The following DIS3L2 variants were observed in gnomAD, a reference collection of about 807,000 sequenced individuals.
DIS3L2 encodes the protein DIS3-like exonuclease 2.
In DIS3L2, 34 loss-of-function variants were observed where a neutral mutation model predicts 97.5. The ratio of observed to expected loss-of-function variants is 0.35; its 90% CI spans 0.27 to 0.46. DIS3L2 has a LOEUF of 0.46. Ranked by LOEUF, DIS3L2 falls within the 20% of genes least tolerant of loss-of-function variation. The pLI is 1.00. For synonymous variants in DIS3L2, 435 were observed against 445.2 expected (o/e 0.98, Z 0.29); for missense variants, 1,038 against 1,146.0 (o/e 0.91, Z 1.36).
intron 10 of DIS3L2, among the ~76,000 whole-genome samples, chr2:232,220,662 G>A (rs561081946): frequency 6.6e-6 from 1 of 152,210 alleles, no homozygotes; most frequent in East Asian, 1.9e-4. Flanking sequence ...AGCCAAGATC[G>A]CACCACTGCA....
At position 232,281,399 on chromosome 2, in the gene DIS3L2, A is replaced by G. The variant is rs1206829137; in HGVS notation, c.1659+17959A>G. On this transcript the variant is annotated intron_variant, in intron 13 of 20. Transcript: ENST00000325385. The surrounding 1 kb of genome is among the most constrained non-coding windows in gnomAD (Gnocchi z 4.1). ...GGGTGACAGAGCAAGACTCTGTCTC[A>G]AAAAGAAAAAAAGAAATATGAATGT... 6.6e-6 allele frequency among the ~76,000 whole-genome samples: 1 copy of G among 152,092 alleles called. No individual in the cohort carries two copies. The highest frequency in any genetic ancestry group is 1.9e-4 in the East Asian group (1 of 5,192).
Position 232,066,615 on chromosome 2 carries a change from A to G in DIS3L2, c.367-20872A>G, listed in dbSNP as rs180911909. On this transcript the variant is annotated intron_variant, in intron 5 of 20. Coordinates refer to ENST00000325385, the MANE Select transcript of DIS3L2 (RefSeq NM_152383.5). ...GTTGGGAAATGTTTCCTCTTCCCCT[A>G]TATTTTGAGAGAGTATGATAGGGTT... 9.7e-4 allele frequency among the ~76,000 whole-genome samples: 147 copies of G among 152,078 alleles called. 1 individual carries two copies. Among genetic ancestry groups the G allele is most frequent in the Non-Finnish European group, 1.6e-3 (108 of 67,864 alleles).
At chr2:232,184,677 A>G (rs114190691) in intron 9 of DIS3L2, among the ~76,000 whole-genome samples, 1,623 of 152,264 alleles carry the variant, frequency 0.011, 18 homozygotes, top group Non-Finnish European at 0.014. Flanking sequence ...GAAAAGAAGC[A>G]TATAGTAGTC....
intron 10 of DIS3L2, among the ~76,000 whole-genome samples, chr2:232,219,657 A>G (rs531593485): frequency 6.6e-6 from 1 of 152,096 alleles, no homozygotes; most frequent in African/African-American, 2.4e-5. Context: ...CAGCTCTGTG[A>G]ATTGGCCCAC....
At chr2:232,311,938 T>C (rs1053914658) in intron 14 of DIS3L2, among the ~76,000 whole-genome samples, 28 of 152,206 alleles carry the variant, frequency 1.8e-4, no homozygotes, top group African/African-American at 6.5e-4. Flanking sequence ...GGAATGAAAT[T>C]GCTGAAATCA....
intron 6 of DIS3L2, among the ~76,000 whole-genome samples, chr2:232,092,236 T>C (rs1351403743): frequency 6.6e-6 from 1 of 152,200 alleles, no homozygotes. Context: ...GATGTATGTA[T>C]TCTGGGTTCT....
At chr2:232,099,890 C>G (rs957196070) in intron 6 of DIS3L2, among the ~76,000 whole-genome samples, 3 of 152,110 alleles carry the variant, frequency 2.0e-5, no homozygotes, top group African/African-American at 7.2e-5. Context: ...TTTCAAAAAT[C>G]TCCTTTGTGT....
intron 5 of DIS3L2, among the ~76,000 whole-genome samples, chr2:232,078,800 A>C (rs1328431275): frequency 6.6e-6 from 1 of 152,264 alleles, no homozygotes; most frequent in Non-Finnish European, 1.5e-5. Context: ...GAAATTGAGA[A>C]GTGCTGAAGA....
chr2:232,204,698 G>T (rs1021076218), intron 9 of DIS3L2, among the ~76,000 whole-genome samples: 1 of 152,160 alleles, frequency 6.6e-6, no homozygotes, highest in African/African-American at 2.4e-5. Context: ...TGAGACCAAA[G>T]CCTTCCAGAA....
intron 13 of DIS3L2, among the ~76,000 whole-genome samples, chr2:232,275,590 C>T (rs1694120757): frequency 6.6e-6 from 1 of 152,202 alleles, no homozygotes. Context: ...CTTTATAATA[C>T]TTCTTGATTC....
chr2:232,279,181 C>T (rs774698146), intron 13 of DIS3L2, among the ~76,000 whole-genome samples: 1 of 152,158 alleles, frequency 6.6e-6, no homozygotes, highest in South Asian at 2.1e-4. Context: ...AGGTGATCTA[C>T]CCACCTCGGC....
intron 13 of DIS3L2, among the ~76,000 whole-genome samples, chr2:232,298,857 C>T (rs1405136774): frequency 6.6e-6 from 1 of 152,222 alleles, no homozygotes; most frequent in African/African-American, 2.4e-5. Context: ...CCTCCTTGAG[C>T]TCTGTTGGAA....
intron 9 of DIS3L2, among the ~76,000 whole-genome samples, chr2:232,205,719 GC>G (rs1692011200): frequency 3.9e-5 from 6 of 152,202 alleles, no homozygotes; most frequent in African/African-American, 1.4e-4. Flanking sequence ...TCTCCTAGAG[GC>G]AAGTTAGGAA....
At chr2:232,118,629 G>C (rs1184210272) in intron 6 of DIS3L2, among the ~76,000 whole-genome samples, 1 of 152,168 alleles carries the variant, frequency 6.6e-6, no homozygotes, top group Non-Finnish European at 1.5e-5. Flanking sequence ...GAAGGACCAA[G>C]CCAGTTGCTC....
intron 3 of DIS3L2, among the ~76,000 whole-genome samples, chr2:232,023,379 T>C (rs907745035): frequency 4.6e-5 from 7 of 152,232 alleles, no homozygotes; most frequent in Admixed American, 3.9e-4. Flanking sequence ...CTTTATTTTA[T>C]GCCGTTGCCT....
At chr2:232,055,869 A>G (rs564135344) in intron 5 of DIS3L2, among the ~76,000 whole-genome samples, 9 of 152,342 alleles carry the variant, frequency 5.9e-5, no homozygotes, top group Admixed American at 4.6e-4. Context: ...AGTGGAGGAA[A>G]GAATGCTCTT....
At chr2:232,211,671 T>C (rs1320852191) in intron 10 of DIS3L2, among the ~76,000 whole-genome samples, 1 of 152,160 alleles carries the variant, frequency 6.6e-6, no homozygotes, top group East Asian at 1.9e-4. Context: ...TTTTAAAACA[T>C]TGCAAAGATG....
intron 12 of DIS3L2, among the ~76,000 whole-genome samples, chr2:232,258,598 C>CAAAAA (rs35525137): frequency 4.0e-4 from 30 of 74,624 alleles, no homozygotes; most frequent in Non-Finnish European, 6.9e-4. Context: ...GACTCTGTCT[C>CAAAAA]AAAAAAAAAA....
intron 5 of DIS3L2, among the ~76,000 whole-genome samples, chr2:232,048,058 A>G (rs1256217231): frequency 6.6e-6 from 1 of 152,084 alleles, no homozygotes; most frequent in Non-Finnish European, 1.5e-5. Flanking sequence ...ACATGTTTTC[A>G]CTTCTTTTGA....
Sources: allele counts gnomAD v4.1 joint callset (sites outside exome capture counted in the v4.1 genomes callset), GRCh38; gene constraint gnomAD v4.1.1; non-coding constraint Gnocchi (gnomAD v3.1); transcripts MANE v1.5; gene names NCBI Gene and HGNC (gene_info 2026-07-23, HGNC 2026-07-21).